ARHGEF4: variants seen among roughly 807,000 people sequenced by gnomAD.
ARHGEF4 encodes APC-stimulated guanine nucleotide exchange factor 1.
In ARHGEF4, 119 loss-of-function variants were observed where a neutral mutation model predicts 162.0. The ratio of observed to expected loss-of-function variants is 0.73; its 90% CI spans 0.63 to 0.86. The LOEUF (loss-of-function observed/expected upper bound fraction) is 0.86. Among genes scored for constraint, ARHGEF4 ranks in the 40% least tolerant of loss-of-function variants. The pLI, the probability that ARHGEF4 is intolerant of heterozygous loss-of-function variation, is 0.00. For synonymous variants in ARHGEF4, 1,014 were observed against 979.9 expected, an observed-to-expected ratio of 1.03 and a Z score of -0.65; for missense variants, 2,488 against 2,456.0, an observed-to-expected ratio of 1.01 and a Z score of -0.28.
At chr2:130,946,670 C>G in intron 4 of ARHGEF4, 35 bp downstream of exon 4, 1 of 1,611,832 alleles carries the variant, frequency 6.2e-7, no homozygotes, top group Non-Finnish European at 8.5e-7. Flanking sequence ...GCTATGTACT[C>G]TGGATCCTGG....
chr2:131,044,475 G>A lies in ARHGEF4; in HGVS notation c.5334G>A (p.Glu1778=), dbSNP rs770441311. 15 of 1,553,398 alleles carry A rather than the reference G, an allele frequency of 9.7e-6. No individual in the cohort carries two copies. Among genetic ancestry groups the A allele is most frequent in the African/African-American group, 1.4e-5 (1 of 73,326 alleles). ...ACCTGCTGTGCACCAGGAAGCCCGA[G>A]CAGAAGCAGCGCTGGCTCAAGGCCT... ...DSHLLCTRKP[E]QKQRWLKAFA... The change falls in exon 12 of 14, where the codon GAG becomes GAA. Residue 1778 remains glutamate, a synonymous_variant. Coordinates refer to ENST00000409359, the MANE Select transcript of ARHGEF4 (RefSeq NM_001367493.1).
intron 1 of ARHGEF4, among the ~76,000 whole-genome samples, chr2:130,886,573 T>C (rs35967735): frequency 0.24 from 35,757 of 151,066 alleles, 5,718 homozygotes; most frequent in African/African-American, 0.42. Context: ...CCCAGCTACT[T>C]GGAAGGCTGA....
At chr2:130,922,569 G>A (rs1025353260) in intron 2 of ARHGEF4, among the ~76,000 whole-genome samples, 4 of 152,110 alleles carry the variant, frequency 2.6e-5, no homozygotes, top group Non-Finnish European at 2.9e-5. Context: ...AAGTAACACC[G>A]GTTGGTGATT....
At chr2:130,865,842 T>C in intron 1 of ARHGEF4, among the ~76,000 whole-genome samples, 1 of 152,100 alleles carries the variant, frequency 6.6e-6, no homozygotes, top group East Asian at 1.9e-4. Flanking sequence ...CGTCAGTCCT[T>C]TACTTGAGTG....
At chr2:130,913,961 G>A (rs1268983145) in intron 1 of ARHGEF4, 25 bp from the exon 2 acceptor site, 1 of 1,535,750 alleles carries the variant, frequency 6.5e-7, no homozygotes, top group Admixed American at 2.0e-5. Context: ...CCTTGTCTCT[G>A]ACTCCTCTCT....
chr2:130,854,846 TTTTATTTATTTA>T (rs58855269), intron 1 of ARHGEF4, among the ~76,000 whole-genome samples: 28,876 of 140,196 alleles, frequency 0.21, 3,459 homozygotes, highest in African/African-American at 0.32. Flanking sequence ...GGAGTCTGAC[TTTTATTTATTTA>T]TTTATTTATT....
intron 1 of ARHGEF4, among the ~76,000 whole-genome samples, chr2:130,840,683 G>A (rs1680544151): frequency 1.3e-5 from 2 of 152,176 alleles, no homozygotes; most frequent in African/African-American, 2.4e-5. Context: ...GGGCTGCCAC[G>A]AGGTGGATGC....
rs556538590 is a variant in ARHGEF4 at position 131,041,320 on chromosome 2, G to C, written c.4753G>C (p.Val1585Leu). 2 of 1,613,724 alleles carry C rather than the reference G, an allele frequency of 1.2e-6. No homozygotes were observed. The highest frequency in any genetic ancestry group is 1.7e-5 in the Admixed American group (1 of 60,004). The change falls in exon 9 of 14, where the codon GTG becomes CTG. Residue 1585 changes from valine (V) to leucine (L), a missense_variant. Physicochemically the swap from Val to Leu is conservative, Grantham distance 32 (BLOSUM62 1). Coordinates refer to ENST00000409359, the MANE Select transcript of ARHGEF4 (RefSeq NM_001367493.1). ...LSRLTKLSKY[V>L]YFFEACRLLQ... Reference sequence around the variant, plus strand: ...CCGGCTCACCAAGCTCAGCAAGTACGTGTACTTCTTCGAGGCCTGCCGGCT... The same window carrying C: ...CCGGCTCACCAAGCTCAGCAAGTACCTGTACTTCTTCGAGGCCTGCCGGCT...
intron 2 of ARHGEF4, among the ~76,000 whole-genome samples, chr2:130,928,876 C>A (rs1384252832): frequency 1.3e-5 from 2 of 152,200 alleles, no homozygotes; most frequent in African/African-American, 2.4e-5. Context: ...ACATGAGGAC[C>A]ACCAGGACAG....
intron 4 of ARHGEF4, among the ~76,000 whole-genome samples, chr2:130,967,872 G>T (rs899956386): frequency 3.3e-5 from 5 of 152,194 alleles, no homozygotes; most frequent in Non-Finnish European, 7.3e-5. Flanking sequence ...GAGATACCAG[G>T]CACCAGCTTC....
At chr2:130,850,219 G>A (rs982491853) in intron 1 of ARHGEF4, among the ~76,000 whole-genome samples, 9 of 152,336 alleles carry the variant, frequency 5.9e-5, no homozygotes, top group Admixed American at 1.3e-4. Context: ...CTCTCTAGGG[G>A]CCTCTTGGGA....
In ARHGEF4 at chr2:130,915,476, T is replaced by G; in HGVS notation, c.1530T>G (p.Tyr510Ter). The change falls in exon 2 of 14, where the codon TAT becomes TAG. Residue 510 changes from tyrosine to a stop codon, truncating the protein, a stop_gained. Transcript: ENST00000409359. LOFTEE classifies it high-confidence loss of function. ...GNQTSNYTSKYVLSEESKSPT... is the reference protein window; with the variant it reads ...GNQTSNYTSK ...AAACCAGTAATTACACATCAAAGTATGTGCTCAGCGAGGAAAGCAAGTCAC... is the reference window on the plus strand; with the variant it reads ...AAACCAGTAATTACACATCAAAGTAGGTGCTCAGCGAGGAAAGCAAGTCAC... The G allele has an allele frequency of 6.4e-7, 1 of 1,550,488 alleles. No homozygotes were observed. The highest frequency in any genetic ancestry group is 8.7e-7 in the Non-Finnish European group (1 of 1,146,996).
intron 1 of ARHGEF4, among the ~76,000 whole-genome samples, chr2:130,913,339 T>C (rs1053725807): frequency 6.6e-6 from 1 of 152,232 alleles, no homozygotes. Flanking sequence ...GCATTTTAAA[T>C]GGATGCTTGA....
intron 1 of ARHGEF4, among the ~76,000 whole-genome samples, chr2:130,846,563 G>T (rs1680976772): frequency 6.6e-6 from 1 of 152,224 alleles, no homozygotes; most frequent in Non-Finnish European, 1.5e-5. Context: ...AGCGATATGG[G>T]ACGGCGAGAG....
In ARHGEF4 at chr2:130,986,860, C is replaced by T. The variant is rs145558865; in HGVS notation, c.3985+40225C>T. Reference sequence around the variant, plus strand: ...CTGCTTTTGGCAGGACATTAGCAGGCTCTGAAGCTGCCTAGGCCCGCAGGA... The same window carrying T: ...CTGCTTTTGGCAGGACATTAGCAGGTTCTGAAGCTGCCTAGGCCCGCAGGA... On this transcript the variant is annotated intron_variant, in intron 4 of 13. Coordinates refer to ENST00000409359, the MANE Select transcript of ARHGEF4 (RefSeq NM_001367493.1). 4.5e-3 allele frequency among the ~76,000 whole-genome samples: 688 copies of T among 152,366 alleles called. 5 individuals carry two copies. The highest frequency in any genetic ancestry group is 0.015 in the African/African-American group (642 of 41,582).
At chr2:130,904,019 C>T (rs551352125) in intron 1 of ARHGEF4, among the ~76,000 whole-genome samples, 1 of 152,240 alleles carries the variant, frequency 6.6e-6, no homozygotes, top group East Asian at 1.9e-4. Flanking sequence ...ATTTCTTTTC[C>T]TTTGGGTAGA....
chr2:130,924,171 G>T (rs1443088785), intron 2 of ARHGEF4, among the ~76,000 whole-genome samples: 13 of 151,772 alleles, frequency 8.6e-5, no homozygotes, highest in Admixed American at 8.5e-4. Flanking sequence ...TTGAGCCACC[G>T]CTCCCGGCCT....
At chr2:130,902,771 A>G (rs1175239028) in intron 1 of ARHGEF4, among the ~76,000 whole-genome samples, 1 of 152,196 alleles carries the variant, frequency 6.6e-6, no homozygotes, top group African/African-American at 2.4e-5. Flanking sequence ...TCGGGTCCGT[A>G]CCATCCTTCA....
intron 1 of ARHGEF4, chr2:130,837,579 C>G (rs1680282571): frequency 2.2e-6 from 1 of 449,172 alleles, no homozygotes; most frequent in African/African-American, 2.0e-5. Flanking sequence ...GCTCACCATC[C>G]GGGACCCACT....
Sources: allele counts gnomAD v4.1 joint callset (sites outside exome capture counted in the v4.1 genomes callset), GRCh38; gene constraint gnomAD v4.1.1; transcripts MANE v1.5; gene names NCBI Gene and HGNC (gene_info 2026-07-23, HGNC 2026-07-21).